Variants in KIFC3 observed in about 807,000 individuals in gnomAD.
KIFC3 encodes the protein kinesin family member C3, also known as kinesin-like protein KIFC3.
Under a neutral mutation model 101.8 loss-of-function variants are expected in KIFC3, and 60 were observed. That is an observed-to-expected ratio of 0.59 (90% CI 0.48 to 0.73). KIFC3 has a LOEUF of 0.73. KIFC3 is among the 30% of genes least tolerant of loss of function. The pLI, the probability that KIFC3 is intolerant of heterozygous loss-of-function variation, is 0.00. For synonymous variants in KIFC3, 476 were observed against 482.7 expected (o/e 0.99, Z 0.18); for missense variants, 966 against 1,137.1 (o/e 0.85, Z 2.16).
upstream of KIFC3, among the ~76,000 whole-genome samples, chr16:57,804,232 T>A (rs1297969039): frequency 6.6e-6 from 1 of 152,236 alleles, no homozygotes; most frequent in East Asian, 1.9e-4. Flanking sequence ...AAGTCTTTTT[T>A]TTTCCTGTGT....
intron 1 of KIFC3, among the ~76,000 whole-genome samples, chr16:57,844,786 C>A (rs897323095): frequency 2.0e-5 from 3 of 152,304 alleles, no homozygotes; most frequent in Admixed American, 2.0e-4. Context: ...GAGCCCACAG[C>A]AGCCTGTGCC....
At chr16:57,758,981 G>A in intron 19 of KIFC3, 72 bp from the exon 20 acceptor site, 1 of 1,539,244 alleles carries the variant, frequency 6.5e-7, no homozygotes, top group Non-Finnish European at 8.7e-7. Flanking sequence ...GCCACCGAGA[G>A]CAGGAGGGAA....
intron 1 of KIFC3, among the ~76,000 whole-genome samples, chr16:57,852,039 C>G (rs186406781): frequency 6.6e-6 from 1 of 152,120 alleles, no homozygotes; most frequent in African/African-American, 2.4e-5. Context: ...CCACACCCAG[C>G]TCATTCTTTC....
At chr16:57,781,618 C>T (rs55992302) in intron 3 of KIFC3, among the ~76,000 whole-genome samples, 10,274 of 152,286 alleles carry the variant, frequency 0.067, 405 homozygotes, top group South Asian at 0.099. Flanking sequence ...CCTGGCACAG[C>T]AATGAGGAGG....
intron 3 of KIFC3, among the ~76,000 whole-genome samples, chr16:57,773,005 C>T (rs186953837): frequency 2.0e-5 from 3 of 152,318 alleles, no homozygotes; most frequent in Non-Finnish European, 2.9e-5. Flanking sequence ...CCCAGGGGAG[C>T]AACCCTTCCC....
chr16:57,807,043 C>T (rs1598181495), upstream of KIFC3, among the ~76,000 whole-genome samples: 1 of 152,108 alleles, frequency 6.6e-6, no homozygotes, highest in East Asian at 1.9e-4. Flanking sequence ...CATGGCTAAA[C>T]CCCATCTCTA....
intron 1 of KIFC3, among the ~76,000 whole-genome samples, chr16:57,832,427 G>A (rs781896356): frequency 3.6e-5 from 5 of 139,306 alleles, no homozygotes; most frequent in Non-Finnish European, 6.1e-5. Context: ...AGGTTCAAGT[G>A]ATTCTCCTGC....
chr16:57,759,666 G>T, intron 18 of KIFC3, 62 bp downstream of exon 18: 1 of 1,278,842 alleles, frequency 7.8e-7, no homozygotes, highest in Non-Finnish European at 1.1e-6. Context: ...ATCCAGGTAA[G>T]GGCAGCCTGG....
At chr16:57,843,686 G>A (rs764075114) in intron 1 of KIFC3, among the ~76,000 whole-genome samples, 3 of 152,166 alleles carry the variant, frequency 2.0e-5, no homozygotes, top group Non-Finnish European at 2.9e-5. Context: ...CTGGTGCTCA[G>A]TGAGTCAGAT....
intron 1 of KIFC3, chr16:57,813,572 C>T (rs2055144957): frequency 1.8e-6 from 1 of 548,892 alleles, no homozygotes; most frequent in Non-Finnish European, 2.3e-6. Context: ...GAGACTCTAA[C>T]CACCTTCTGA....
Position 57,798,109 on chromosome 16 carries a change from G to A in KIFC3, c.135C>T (p.Arg45=), listed in dbSNP as rs1362506914. The change falls in exon 2 of 20, where the codon CGC becomes CGT. Residue 45 remains arginine (R), a synonymous_variant. Coordinates refer to ENST00000445690, the MANE Select transcript of KIFC3 (RefSeq NM_001130100.2). The part of the protein sequence containing the change: ...PAPAPASPAA[R]PFPHTGPGRL... ...TCCCCGGGCCGGTGTGTGGGAAAGG[G>A]CGGGCGGCCGGGCTGGCTGGGGCTG... 1.9e-6 allele frequency: 3 copies of A among 1,586,274 alleles called. No homozygotes were observed. Among genetic ancestry groups the A allele is most frequent in the Admixed American group, 3.5e-5 (2 of 56,868 alleles).
intron 3 of KIFC3, among the ~76,000 whole-genome samples, chr16:57,786,610 T>A (rs1598079639): frequency 6.6e-6 from 1 of 151,806 alleles, no homozygotes; most frequent in Non-Finnish European, 1.5e-5. Context: ...GAGTGAAGGG[T>A]GAAGAGGGCA....
intron 7 of KIFC3, 135 bp downstream of exon 7, chr16:57,770,392 G>T: frequency 6.5e-6 from 5 of 770,440 alleles, no homozygotes; most frequent in Non-Finnish European, 9.3e-6. Flanking sequence ...ACTTGCCCTG[G>T]GTCCCGTGGC....
chr16:57,778,236 T>C (rs1307007870), intron 3 of KIFC3, among the ~76,000 whole-genome samples: 4 of 152,082 alleles, frequency 2.6e-5, no homozygotes, highest in Non-Finnish European at 5.9e-5. Flanking sequence ...GCCATGACTA[T>C]ACCACCACAC....
chr16:57,821,681 C>T (rs1198332725), intron 1 of KIFC3, among the ~76,000 whole-genome samples: 3 of 152,094 alleles, frequency 2.0e-5, no homozygotes, highest in Non-Finnish European at 4.4e-5. Context: ...GGGAGGGGTG[C>T]TATTATAGGT....
chr16:57,802,920 C>T (rs1568066683), upstream of KIFC3: 4 of 1,470,948 alleles, frequency 2.7e-6, no homozygotes, highest in Non-Finnish European at 3.7e-6. The surrounding 1 kb of genome is among the most constrained non-coding windows in gnomAD (Gnocchi z 5.0). Context: ...CATACCAGTA[C>T]GTGTCTTCCC....
At chr16:57,805,958 C>T (rs917505492), upstream of KIFC3, among the ~76,000 whole-genome samples, 9 of 152,100 alleles carry the variant, frequency 5.9e-5, no homozygotes, top group South Asian at 2.1e-4. Context: ...AGGCTGCTTG[C>T]GAACTCCTGA....
At chr16:57,800,877 C>T (rs1022591077) in intron 1 of KIFC3, among the ~76,000 whole-genome samples, 2 of 152,114 alleles carry the variant, frequency 1.3e-5, no homozygotes, top group Non-Finnish European at 2.9e-5. Context: ...GGGACTTCTA[C>T]CAACCTAGGA....
At position 57,811,585 on chromosome 16, in the gene KIFC3, A is replaced by G. The variant is rs113986095; in HGVS notation, c.109-13303T>C. Reference sequence around the variant, plus strand: ...AAAAACATTTAAAAATTAGCTGGGTATGGAGTGCATACCTATGGTCCCAGC... The same window carrying G: ...AAAAACATTTAAAAATTAGCTGGGTGTGGAGTGCATACCTATGGTCCCAGC... On this transcript the variant is annotated intron_variant, in intron 1 of 2. Coordinates refer to the KIFC3 transcript ENST00000563028. Among the ~76,000 whole-genome samples, 1,210 of 152,052 alleles carry G rather than the reference A, an allele frequency of 8.0e-3. 9 individuals carry two copies. The highest frequency in any genetic ancestry group is 0.026 in the African/African-American group (1,099 of 41,472).
Sources: gnomAD v4.1 joint callset for allele counts (sites outside exome capture counted in the v4.1 genomes callset) on GRCh38, gnomAD v4.1.1 for gene constraint, Gnocchi (gnomAD v3.1) non-coding constraint, MANE v1.5 for transcripts, NCBI Gene and HGNC (gene_info 2026-07-23, HGNC 2026-07-21) for gene names.